ANKFN1: variants seen among roughly 807,000 people sequenced by gnomAD.
ANKFN1 encodes the protein ankyrin repeat and fibronectin type III domain containing 1, also known as ankyrin repeat and fibronectin type-III domain-containing protein 1.
A neutral mutation model predicts 108.7 loss-of-function variants in ANKFN1; 74 were observed. That is an observed-to-expected ratio of 0.68 (90% CI 0.56 to 0.83). ANKFN1 has a LOEUF of 0.83. Among genes scored for constraint, ANKFN1 ranks in the 40% least tolerant of loss-of-function variants. The pLI, the probability that ANKFN1 is intolerant of heterozygous loss-of-function variation, is 0.00. For missense variants in ANKFN1, 1,505 were observed against 1,382.3 expected, an observed-to-expected ratio of 1.09 and a Z score of -1.41; for synonymous variants, 547 against 516.2, an observed-to-expected ratio of 1.06 and a Z score of -0.81.
intron 4 of ANKFN1, among the ~76,000 whole-genome samples, chr17:56,123,795 T>TTTTG (rs1906759694): frequency 6.9e-6 from 1 of 144,710 alleles, no homozygotes; most frequent in African/African-American, 2.6e-5. Flanking sequence ...GCATGACTGA[T>TTTTG]TGTGTGTGTG....
chr17:56,388,507 C>T (rs552410382), intron 8 of ANKFN1, among the ~76,000 whole-genome samples: 35 of 152,322 alleles, frequency 2.3e-4, no homozygotes, highest in African/African-American at 8.4e-4. Context: ...TAATACTGCA[C>T]TCCTCTGCAC....
At chr17:56,117,611 A>G (rs955437400) in intron 4 of ANKFN1, among the ~76,000 whole-genome samples, 2 of 152,162 alleles carry the variant, frequency 1.3e-5, no homozygotes, top group Non-Finnish European at 2.9e-5. Flanking sequence ...TGATCTACCA[A>G]TTACACAGGA....
intron 3 of ANKFN1, among the ~76,000 whole-genome samples, chr17:56,281,796 C>T (rs1336179629): frequency 6.6e-6 from 1 of 151,948 alleles, no homozygotes; most frequent in Non-Finnish European, 1.5e-5. Flanking sequence ...AATGAAATAC[C>T]CCTCACACTA....
intron 4 of ANKFN1, among the ~76,000 whole-genome samples, chr17:56,126,238 G>A (rs911525726): frequency 3.3e-5 from 5 of 151,944 alleles, no homozygotes; most frequent in African/African-American, 7.3e-5. Flanking sequence ...ATAAATAATT[G>A]TCTTTGGATT....
At chr17:56,335,774 G>T (rs1056609575) in intron 4 of ANKFN1, among the ~76,000 whole-genome samples, 1 of 152,102 alleles carries the variant, frequency 6.6e-6, no homozygotes, top group Admixed American at 6.6e-5. Flanking sequence ...TGGTGAGAGA[G>T]GGCATCCCTG....
intron 1 of ANKFN1, among the ~76,000 whole-genome samples, chr17:56,198,583 G>A (rs1472917509): frequency 6.6e-6 from 1 of 152,092 alleles, no homozygotes; most frequent in East Asian, 1.9e-4. Context: ...CTAAACATTT[G>A]TCCTTATTTT....
At chr17:56,502,452 T>G (rs2145459902) in intron 20 of ANKFN1, among the ~76,000 whole-genome samples, 1 of 152,320 alleles carries the variant, frequency 6.6e-6, no homozygotes. Context: ...ATTTACTTCT[T>G]GGAAGCCAAG....
chr17:56,228,893 C>T (rs778877892), intron 3 of ANKFN1, among the ~76,000 whole-genome samples: 4 of 152,072 alleles, frequency 2.6e-5, no homozygotes, highest in Non-Finnish European at 5.9e-5. Context: ...TTTAATTAGA[C>T]ATTCTAGTAC....
At chr17:56,214,861 A>G (rs1396663344) in intron 2 of ANKFN1, among the ~76,000 whole-genome samples, 2 of 152,228 alleles carry the variant, frequency 1.3e-5, no homozygotes, top group African/African-American at 2.4e-5. Context: ...ATGGGCTAAC[A>G]TGCAAACAAA....
At chr17:56,237,706 A>G (rs1917257656) in intron 3 of ANKFN1, among the ~76,000 whole-genome samples, 1 of 151,416 alleles carries the variant, frequency 6.6e-6, no homozygotes, top group South Asian at 2.1e-4. Context: ...TAGCTTATAT[A>G]TCATTAATTT....
chr17:56,138,942 C>T (rs1598129644), intron 4 of ANKFN1, among the ~76,000 whole-genome samples: 2 of 152,078 alleles, frequency 1.3e-5, no homozygotes, highest in Non-Finnish European at 1.5e-5. Context: ...TGAGTTCAAC[C>T]GTTTAGGCCT....
At chr17:56,147,792 T>C (rs545587402) in intron 4 of ANKFN1, among the ~76,000 whole-genome samples, 4 of 152,218 alleles carry the variant, frequency 2.6e-5, no homozygotes, top group Admixed American at 2.6e-4. Context: ...AGCAGGTGTA[T>C]GACTTTCAGT....
chr17:56,410,630 T>G (rs934030218), intron 8 of ANKFN1, among the ~76,000 whole-genome samples: 4 of 152,138 alleles, frequency 2.6e-5, no homozygotes, highest in African/African-American at 9.7e-5. Context: ...TCACTAAAAT[T>G]TTTTCTACCA....
chr17:56,216,549 G>A (rs1398747012), intron 2 of ANKFN1, among the ~76,000 whole-genome samples: 4 of 152,126 alleles, frequency 2.6e-5, no homozygotes, highest in Non-Finnish European at 5.9e-5. Context: ...ATTCTAACAG[G>A]GTTATTACAT....
At chr17:56,135,154 A>T (rs896746654) in intron 4 of ANKFN1, among the ~76,000 whole-genome samples, 2 of 152,234 alleles carry the variant, frequency 1.3e-5, no homozygotes, top group Non-Finnish European at 2.9e-5. Context: ...AAAATAAATC[A>T]AAGAATCTAG....
intron 14 of ANKFN1, among the ~76,000 whole-genome samples, chr17:56,458,214 A>G (rs1285565514): frequency 6.6e-6 from 1 of 152,138 alleles, no homozygotes; most frequent in Non-Finnish European, 1.5e-5. Context: ...AACAGTATAT[A>G]GGAGTAACTC....
intron 1 of ANKFN1, among the ~76,000 whole-genome samples, chr17:56,159,744 C>A (rs1909468523): frequency 6.6e-6 from 1 of 152,110 alleles, no homozygotes; most frequent in Non-Finnish European, 1.5e-5. Context: ...TGATTAAATG[C>A]TTTTGCATTT....
intron 5 of ANKFN1, among the ~76,000 whole-genome samples, chr17:56,352,310 T>C (rs577698598): frequency 2.5e-4 from 38 of 152,346 alleles, no homozygotes; most frequent in African/African-American, 8.4e-4. Flanking sequence ...TGTACTCAGC[T>C]AAAGCTGACC....
At chr17:56,462,381 G>T (rs2049932139) in intron 14 of ANKFN1, among the ~76,000 whole-genome samples, 1 of 152,176 alleles carries the variant, frequency 6.6e-6, no homozygotes, top group Admixed American at 6.5e-5. Flanking sequence ...GATCACCTGT[G>T]GTCGGGAGTT....
Sources: gnomAD v4.1 joint callset for allele counts (sites outside exome capture counted in the v4.1 genomes callset) on GRCh38, gnomAD v4.1.1 for gene constraint, MANE v1.5 for transcripts, NCBI Gene and HGNC (gene_info 2026-07-23, HGNC 2026-07-21) for gene names.